Variants in XRN2 observed in about 807,000 individuals in gnomAD.
XRN2 encodes the protein DHM1-like protein.
Under a neutral mutation model 138.5 loss-of-function variants are expected in XRN2, and 44 were observed. The observed-to-expected ratio is 0.32, with a 90% CI of 0.25 to 0.41. XRN2 has a LOEUF of 0.41. XRN2 is among the 10% of genes least tolerant of loss of function. XRN2 has a pLI of 1.00. For missense variants in XRN2, 937 were observed against 1,169.3 expected, an observed-to-expected ratio of 0.80 and a Z score of 2.90; for synonymous variants, 354 against 369.4, an observed-to-expected ratio of 0.96 and a Z score of 0.48.
In XRN2 at chr20:21,333,826, G is replaced by A. The variant is rs143521323; in HGVS notation, c.1056G>A (p.Ser352=). The A allele has an allele frequency of 1.4e-5, 22 of 1,614,094 alleles. No individual in the cohort carries two copies. The African/African-American group carries it at 2.0e-4, about 15-fold the overall frequency. Residue 352 remains serine (S), a synonymous_variant, in exon 11 of 30, where the codon TCG becomes TCA. Coordinates refer to ENST00000377191, the MANE Select transcript of XRN2 (RefSeq NM_012255.5). The part of the protein sequence containing the change: ...VGNDFLPHLP[S]LEIRENAIDR... ...ATGACTTCCTCCCTCATTTGCCATC[G>A]TTAGAGATTAGGTATGTGCATTTGT...
At chr20:21,371,761 CA>C (rs1211250270) in intron 27 of XRN2, among the ~76,000 whole-genome samples, 11 of 152,258 alleles carry the variant, frequency 7.2e-5, no homozygotes, top group African/African-American at 2.4e-4. Flanking sequence ...GATCATGTTC[CA>C]ATAATAAGGG....
At chr20:21,371,812 C>T (rs2038765470) in intron 27 of XRN2, among the ~76,000 whole-genome samples, 1 of 152,174 alleles carries the variant, frequency 6.6e-6, no homozygotes, top group African/African-American at 2.4e-5. Flanking sequence ...AGCTTTACAC[C>T]AAAGGAGAGA....
chr20:21,341,321 C>T (rs2122235248), intron 15 of XRN2, among the ~76,000 whole-genome samples: 1 of 152,258 alleles, frequency 6.6e-6, no homozygotes, highest in Middle Eastern at 3.4e-3. Flanking sequence ...CAGTTGTGAG[C>T]ATTTTGCAAA....
intron 28 of XRN2, 61 bp downstream of exon 28, chr20:21,382,118 G>A: frequency 2.0e-6 from 3 of 1,463,878 alleles, no homozygotes; most frequent in Admixed American, 2.0e-5. Flanking sequence ...TGGGGTTTAT[G>A]GTTTTTATGG....
intron 29 of XRN2, among the ~76,000 whole-genome samples, chr20:21,387,549 A>G (rs2038948949): frequency 6.6e-6 from 1 of 152,200 alleles, no homozygotes; most frequent in African/African-American, 2.4e-5. Context: ...GACTATCATA[A>G]TTCCTAGACA....
chr20:21,330,894 T>G (rs1189053386), intron 6 of XRN2, among the ~76,000 whole-genome samples, 189 bp downstream of exon 6: 1 of 152,198 alleles, frequency 6.6e-6, no homozygotes, highest in Non-Finnish European at 1.5e-5. Context: ...GATAGCTGAA[T>G]TTTCTCTTAA....
chr20:21,365,790 A>T, intron 26 of XRN2, 86 bp downstream of exon 26: 1 of 708,776 alleles, frequency 1.4e-6, no homozygotes, highest in Non-Finnish European at 1.9e-6. Context: ...CATATATATA[A>T]ATTTATGCCA....
intron 1 of XRN2, among the ~76,000 whole-genome samples, chr20:21,319,784 A>G (rs1027780381): frequency 6.6e-6 from 1 of 152,116 alleles, no homozygotes; most frequent in African/African-American, 2.4e-5. Context: ...TTTAAGAGTT[A>G]CTTTACCGTC....
chr20:21,362,124 G>T (rs561111920), intron 24 of XRN2, among the ~76,000 whole-genome samples: 2 of 142,072 alleles, frequency 1.4e-5, no homozygotes, highest in East Asian at 2.1e-4. Flanking sequence ...GTTCTGAGGG[G>T]AAGTAGGGAT....
chr20:21,368,373 G>T, intron 26 of XRN2, 90 bp from the exon 27 acceptor site: 1 of 1,504,080 alleles, frequency 6.6e-7, no homozygotes, highest in Non-Finnish European at 9.0e-7. Context: ...TGAAGACGTG[G>T]CTATGAGCAT....
intron 20 of XRN2, among the ~76,000 whole-genome samples, chr20:21,352,279 A>G (rs142065125): frequency 0.027 from 4,061 of 152,202 alleles, 69 homozygotes; most frequent in Non-Finnish European, 0.041. Flanking sequence ...AAGATAAACT[A>G]TATCTGGATA....
At chr20:21,353,717 C>T (rs1220793762) in intron 20 of XRN2, among the ~76,000 whole-genome samples, 1 of 151,586 alleles carries the variant, frequency 6.6e-6, no homozygotes, top group Admixed American at 6.6e-5. Flanking sequence ...ATTGCTTGAG[C>T]CTGCAAGTTT....
chr20:21,377,192 A>G (rs2122345460), intron 27 of XRN2, among the ~76,000 whole-genome samples: 1 of 151,782 alleles, frequency 6.6e-6, no homozygotes, highest in Non-Finnish European at 1.5e-5. Context: ...GCTGCAGACA[A>G]TGAAGAAAGG....
chr20:21,327,561 AAT>A (rs2122203778), intron 3 of XRN2, among the ~76,000 whole-genome samples: 1 of 152,356 alleles, frequency 6.6e-6, no homozygotes, highest in African/African-American at 2.4e-5. Context: ...AAAGAAAAGG[AAT>A]ATGTCTTGTT....
intron 24 of XRN2, among the ~76,000 whole-genome samples, chr20:21,361,411 C>T (rs1173890532): frequency 6.6e-6 from 1 of 152,100 alleles, no homozygotes; most frequent in Non-Finnish European, 1.5e-5. Context: ...AGTGTTTCAC[C>T]TGCATTTGGA....
At chr20:21,330,388 A>T in intron 4 of XRN2, 93 bp from the exon 5 acceptor site, 2 of 1,298,224 alleles carry the variant, frequency 1.5e-6, no homozygotes, top group East Asian at 2.4e-5. Flanking sequence ...TTTCTTTTGT[A>T]GTGGAACTTT....
At chr20:21,377,264 C>CTTTTTGTTTTTTTTTTTTTTTTTTT (rs1555788242) in intron 27 of XRN2, among the ~76,000 whole-genome samples, 1 of 82,782 alleles carries the variant, frequency 1.2e-5, no homozygotes, top group African/African-American at 5.4e-5. Context: ...TCGGTTTTTT[C>CTTTTTGTTTTTTTTTTTTTTTTTTT]TTTTTTTTTT....
chr20:21,354,660 GAGTTC>G, intron 20 of XRN2, 124 bp from the exon 21 acceptor site: 1 of 769,064 alleles, frequency 1.3e-6, no homozygotes, highest in Non-Finnish European at 2.2e-6. Flanking sequence ...GAGACAATAA[GAGTTC>G]AGTTCCAAAA....
At chr20:21,345,389 G>A (rs1236999015) in intron 16 of XRN2, among the ~76,000 whole-genome samples, 8 of 152,268 alleles carry the variant, frequency 5.3e-5, no homozygotes, top group Admixed American at 6.5e-5. Context: ...TCCACCTTAT[G>A]AATGGGGGAT....
Sources: allele counts gnomAD v4.1 joint callset (sites outside exome capture counted in the v4.1 genomes callset), GRCh38; gene constraint gnomAD v4.1.1; transcripts MANE v1.5; gene names NCBI Gene and HGNC (gene_info 2026-07-23, HGNC 2026-07-21).